Variants in GSE1 observed in about 807,000 individuals in gnomAD.
The protein encoded by GSE1 is genetic suppressor element 1.
Under a neutral mutation model 112.6 loss-of-function variants are expected in GSE1, and 32 were observed. That is an observed-to-expected ratio of 0.28 (90% CI 0.21 to 0.38). The LOEUF (loss-of-function observed/expected upper bound fraction) is 0.38. GSE1 is among the 10% of genes least tolerant of loss of function. The pLI is 1.00. For missense variants in GSE1, 2,348 were observed against 1,699.2 expected (o/e 1.38, Z -6.71); for synonymous variants, 1,115 against 735.6 (o/e 1.52, Z -8.35).
chr16:85,441,253 C>T (rs964641725), intron 2 of GSE1, among the ~76,000 whole-genome samples: 2 of 152,210 alleles, frequency 1.3e-5, no homozygotes, highest in Admixed American at 1.3e-4. Context: ...ATGTCAGTAG[C>T]ACCCCCCAAT....
At chr16:85,628,866 CTG>C (rs2151703937) in intron 1 of GSE1, among the ~76,000 whole-genome samples, 1 of 152,332 alleles carries the variant, frequency 6.6e-6, no homozygotes, top group South Asian at 2.1e-4. Context: ...GCCATGGCCT[CTG>C]TGTACCACTG....
In GSE1 at chr16:85,319,472, C is replaced by T. The variant is rs147121469; in HGVS notation, c.2284-37991C>T. On this transcript the variant is annotated intron_variant, in intron 1 of 2. Coordinates refer to the GSE1 transcript ENST00000637419. ...CCTCGTCCTCACCCTTCCGTTCCAG[C>T]GGGAGTGGGTGGGGTGGCGAGCGTC... Among the ~76,000 whole-genome samples, 893 of 152,074 alleles carry T rather than the reference C, an allele frequency of 5.9e-3. 14 individuals are homozygous for T. The highest frequency in any genetic ancestry group is 0.02 in the African/African-American group (847 of 41,372).
chr16:85,448,353 C>T, intron 2 of GSE1, among the ~76,000 whole-genome samples: 1 of 152,180 alleles, frequency 6.6e-6, no homozygotes, highest in Non-Finnish European at 1.5e-5. Context: ...GGGTGCAAGA[C>T]CCTGTGCTCT....
chr16:85,256,797 A>G (rs1170331041), intron 1 of GSE1, among the ~76,000 whole-genome samples: 5 of 151,888 alleles, frequency 3.3e-5, no homozygotes, highest in Non-Finnish European at 7.4e-5. Context: ...TAAACGTTTT[A>G]CTCTCCAGCT....
chr16:85,475,875 C>G (rs377171384), intron 2 of GSE1, among the ~76,000 whole-genome samples: 2 of 151,482 alleles, frequency 1.3e-5, no homozygotes, highest in South Asian at 2.1e-4. Context: ...CGTTCCACCT[C>G]AGCCTCCCTA....
At chr16:85,577,535 G>T (rs2046277103) in intron 1 of GSE1, among the ~76,000 whole-genome samples, 1 of 152,160 alleles carries the variant, frequency 6.6e-6, no homozygotes, top group African/African-American at 2.4e-5. Context: ...ACCTGCATGG[G>T]CTCATTTCTC....
chr16:85,539,744 A>G (rs759515445), intron 2 of GSE1, among the ~76,000 whole-genome samples: 3 of 152,150 alleles, frequency 2.0e-5, no homozygotes, highest in Non-Finnish European at 4.4e-5. Flanking sequence ...CTCACTGACT[A>G]GAGTGATTCA....
intron 2 of GSE1, among the ~76,000 whole-genome samples, chr16:85,482,886 G>A (rs2050723508): frequency 6.6e-6 from 1 of 151,592 alleles, no homozygotes; most frequent in South Asian, 2.1e-4. Context: ...GCTGAGGCAG[G>A]AGAATCGCTT....
At chr16:85,486,401 C>T (rs957587488) in intron 2 of GSE1, among the ~76,000 whole-genome samples, 12 of 152,238 alleles carry the variant, frequency 7.9e-5, no homozygotes, top group Non-Finnish European at 1.8e-4. Flanking sequence ...TTCTCCCCGG[C>T]GTTGCCCAGG....
chr16:85,649,305 C>G lies in GSE1; in HGVS notation c.426+554C>G, dbSNP rs1471166435. ...TTTGGGCGGGGGTGGCAGTCCAGTT[C>G]AAGCTGTGAAAGTGGTGTTTGCACG... On this transcript the variant is annotated intron_variant, in intron 3 of 15. Coordinates refer to ENST00000253458, the MANE Select transcript of GSE1 (RefSeq NM_014615.5). 5.9e-5 allele frequency among the ~76,000 whole-genome samples: 9 copies of G among 152,194 alleles called. 1 individual carries two copies. Among genetic ancestry groups the G allele is most frequent in the African/African-American group, 2.2e-4 (9 of 41,434 alleles).
chr16:85,263,093 CG>C (rs900642509), intron 1 of GSE1, among the ~76,000 whole-genome samples: 127 of 152,268 alleles, frequency 8.3e-4, no homozygotes, highest in Middle Eastern at 3.4e-3. Context: ...AGCTAATTAG[CG>C]ACGCGTAGTG....
chr16:85,412,842 T>G (rs1263534797), intron 2 of GSE1, among the ~76,000 whole-genome samples: 4 of 152,212 alleles, frequency 2.6e-5, no homozygotes, highest in African/African-American at 7.2e-5. Flanking sequence ...CTTTTTGCCA[T>G]ATAAAGCCGC....
chr16:85,290,561 A>G (rs1181781934), intron 1 of GSE1, among the ~76,000 whole-genome samples: 1 of 152,178 alleles, frequency 6.6e-6, no homozygotes, highest in East Asian at 1.9e-4. Flanking sequence ...ACACTGCCCA[A>G]GGACCAAGGA....
At chr16:85,545,535 G>A (rs908838934) in intron 2 of GSE1, among the ~76,000 whole-genome samples, 1 of 152,182 alleles carries the variant, frequency 6.6e-6, no homozygotes. Flanking sequence ...ACTTCTCTGA[G>A]TTCCAGTCTG....
intron 2 of GSE1, among the ~76,000 whole-genome samples, chr16:85,404,116 T>G (rs62050360): frequency 4.1e-5 from 4 of 97,396 alleles, no homozygotes; most frequent in African/African-American, 1.7e-4. Flanking sequence ...TAATCCTCAC[T>G]GTTACACTCA....
intron 2 of GSE1, among the ~76,000 whole-genome samples, chr16:85,482,820 A>T (rs988906412): frequency 1.1e-4 from 17 of 152,148 alleles, no homozygotes; most frequent in Non-Finnish European, 2.1e-4. Flanking sequence ...CCTACTAAAA[A>T]TACAAAGATT....
chr16:85,230,069 G>C (rs994383160), intron 1 of GSE1, among the ~76,000 whole-genome samples: 1 of 152,228 alleles, frequency 6.6e-6, no homozygotes, highest in African/African-American at 2.4e-5. Flanking sequence ...TATGGCTGCT[G>C]CGTGGGCAGC....
At chr16:85,594,360 A>G (rs2047133062) in intron 1 of GSE1, 1 of 151,852 alleles carries the variant, frequency 6.6e-6, no homozygotes, top group Non-Finnish European at 1.5e-5. Context: ...CCCAGGCCCC[A>G]TCTGTGAGCC....
At chr16:85,485,940 C>T (rs1289268451) in intron 2 of GSE1, among the ~76,000 whole-genome samples, 4 of 152,224 alleles carry the variant, frequency 2.6e-5, no homozygotes, top group African/African-American at 9.6e-5. Flanking sequence ...GCCCTGAGGC[C>T]ATGAGCCTGC....
Sources: allele counts gnomAD v4.1 joint callset (sites outside exome capture counted in the v4.1 genomes callset), GRCh38; gene constraint gnomAD v4.1.1; transcripts MANE v1.5; gene names NCBI Gene and HGNC (gene_info 2026-07-23, HGNC 2026-07-21).